The following TMCO4 variants were observed in gnomAD, a reference collection of about 807,000 sequenced individuals.
TMCO4 encodes the protein transmembrane and coiled-coil domain-containing protein 4.
A neutral mutation model predicts 64.7 loss-of-function variants in TMCO4; 58 were observed. The observed-to-expected ratio is 0.90, with a 90% CI of 0.73 to 1.12. TMCO4 has a LOEUF of 1.12. TMCO4 is among the 50% of genes most tolerant of loss of function. TMCO4 has a pLI of 0.00. For missense variants in TMCO4, 780 were observed against 825.9 expected (o/e 0.94, Z 0.68); for synonymous variants, 325 against 346.1 (o/e 0.94, Z 0.68).
chr1:19,772,951 AAGTGG>A (rs2043050409), intron 4 of TMCO4, among the ~76,000 whole-genome samples: 1 of 152,120 alleles, frequency 6.6e-6, no homozygotes, highest in African/African-American at 2.4e-5. Flanking sequence ...ACGCTTTGAG[AAGTGG>A]GGCTGGGTGG....
chr1:19,687,933 T>A lies in TMCO4; in HGVS notation c.1501-4489A>T, dbSNP rs77146890. On this transcript the variant is annotated intron_variant, in intron 15 of 15. Transcript: ENST00000294543. ...TGCAAAGACCCAGGGGAGCAGTTGC[T>A]GGGCAGAGCTCTGGTTTTACAGTTA... Among the ~76,000 whole-genome samples the A allele has an allele frequency of 6.5e-3, 989 of 152,172 alleles. 8 individuals are homozygous for A. The highest frequency in any genetic ancestry group is 0.023 in the African/African-American group (940 of 41,504).
chr1:19,794,997 G>A lies in TMCO4; in HGVS notation c.-101+3140C>T, dbSNP rs369613056. On this transcript the variant is annotated intron_variant, in intron 2 of 15. Transcript: ENST00000294543. ...GGTGGCCAGGGGCTGCGGGGAGGAG[G>A]AACAGGGGAGGGAAGTGGTTGTTTA... 2.6e-5 allele frequency among the ~76,000 whole-genome samples: 4 copies of A among 152,266 alleles called. No homozygotes were observed. In the East Asian group the frequency reaches 7.7e-4, roughly 29 times the overall value.
chr1:19,705,707 T>C (rs1054918792), intron 13 of TMCO4, among the ~76,000 whole-genome samples: 5 of 151,930 alleles, frequency 3.3e-5, no homozygotes, highest in African/African-American at 1.2e-4. Flanking sequence ...CACCTGACTG[T>C]TCCTAGAACG....
At chr1:19,770,680 A>T (rs1226729980) in intron 5 of TMCO4, 111 bp from the exon 6 acceptor site, 1 of 1,093,716 alleles carries the variant, frequency 9.1e-7, no homozygotes, top group South Asian at 1.5e-5. Flanking sequence ...ACAAAAAGCC[A>T]CTGCCCTAGA....
At chr1:19,787,407 G>A (rs1195867135) in intron 2 of TMCO4, among the ~76,000 whole-genome samples, 2 of 152,210 alleles carry the variant, frequency 1.3e-5, no homozygotes, top group South Asian at 2.1e-4. Context: ...TCTGTACCCT[G>A]AGCTGTGGTC....
chr1:19,727,299 C>T (rs963259790), intron 13 of TMCO4, among the ~76,000 whole-genome samples: 1 of 152,198 alleles, frequency 6.6e-6, no homozygotes, highest in Non-Finnish European at 1.5e-5. Flanking sequence ...GCCCTTGAAC[C>T]TGGCATGAAA....
intron 6 of TMCO4, among the ~76,000 whole-genome samples, chr1:19,762,411 A>G (rs1216613760): frequency 6.6e-6 from 1 of 152,156 alleles, no homozygotes; most frequent in African/African-American, 2.4e-5. Context: ...GACACCCAGA[A>G]CTGCGGGATT....
At chr1:19,704,480 G>C (rs1219864549) in intron 13 of TMCO4, among the ~76,000 whole-genome samples, 1 of 152,220 alleles carries the variant, frequency 6.6e-6, no homozygotes, top group African/African-American at 2.4e-5. Flanking sequence ...CAGAGCTGCT[G>C]GTCCCTGGGG....
chr1:19,696,571 C>A (rs1437529415), intron 14 of TMCO4, among the ~76,000 whole-genome samples: 2 of 147,166 alleles, frequency 1.4e-5, no homozygotes, highest in African/African-American at 2.5e-5. Context: ...AAACAAAAAA[C>A]TAAAATAAAA....
chr1:19,700,713 A>C, intron 14 of TMCO4, 55 bp downstream of exon 14: 1 of 1,434,212 alleles, frequency 7.0e-7, no homozygotes, highest in South Asian at 1.2e-5. Context: ...GCCTGGGCAT[A>C]CTAAGTGCTC....
At chr1:19,686,309 G>A (rs918846184) in intron 15 of TMCO4, among the ~76,000 whole-genome samples, 4 of 152,084 alleles carry the variant, frequency 2.6e-5, no homozygotes, top group African/African-American at 4.8e-5. Context: ...GCATGAGACC[G>A]GACTTTCCTT....
intron 13 of TMCO4, among the ~76,000 whole-genome samples, chr1:19,710,753 A>G (rs1466471082): frequency 6.6e-6 from 1 of 152,258 alleles, no homozygotes; most frequent in Non-Finnish European, 1.5e-5. Flanking sequence ...AAAATTGTGT[A>G]TGAAAGCCAG....
At chr1:19,699,498 T>C (rs1438516533) in intron 14 of TMCO4, among the ~76,000 whole-genome samples, 2 of 147,944 alleles carry the variant, frequency 1.4e-5, no homozygotes, top group Non-Finnish European at 3.0e-5. Context: ...TATATATATA[T>C]ATATATATAT....
intron 13 of TMCO4, among the ~76,000 whole-genome samples, chr1:19,706,152 C>T (rs1183074262): frequency 6.6e-6 from 1 of 152,182 alleles, no homozygotes; most frequent in Non-Finnish European, 1.5e-5. Context: ...AATCCTCCCA[C>T]CTTAGCCTCC....
chr1:19,744,533 C>G (rs150261470), intron 10 of TMCO4, among the ~76,000 whole-genome samples: 52 of 152,314 alleles, frequency 3.4e-4, no homozygotes, highest in Non-Finnish European at 5.6e-4. Flanking sequence ...AAGTCCTTTG[C>G]TCTCTTCCAC....
chr1:19,723,375 A>G (rs1198508928), intron 13 of TMCO4, among the ~76,000 whole-genome samples: 1 of 152,098 alleles, frequency 6.6e-6, no homozygotes, highest in Non-Finnish European at 1.5e-5. Context: ...CTTCGATGCC[A>G]CTGGCCAGGA....
chr1:19,763,620 C>T (rs2042603788), intron 6 of TMCO4, among the ~76,000 whole-genome samples: 1 of 152,184 alleles, frequency 6.6e-6, no homozygotes, highest in South Asian at 2.1e-4. Context: ...TCTCTCTTCT[C>T]CCTGGGTCTG....
chr1:19,722,706 GAAGA>G lies in TMCO4; in HGVS notation c.1264+14662_1264+14665del, dbSNP rs375826360. ...GACAGGCTAGGGAGACACAGTCCTG[GAAGA>G]AAGAACCCCTGGGGCACTTTTGTAC... On this transcript the variant is annotated intron_variant, in intron 13 of 15. Transcript: ENST00000294543. 1.6e-3 allele frequency among the ~76,000 whole-genome samples: 243 copies of G among 152,268 alleles called. 1 individual carries two copies. In the East Asian group the frequency reaches 0.019, roughly 12 times the overall value.
intron 2 of TMCO4, among the ~76,000 whole-genome samples, chr1:19,792,517 T>C (rs905182514): frequency 2.0e-5 from 3 of 152,220 alleles, no homozygotes; most frequent in African/African-American, 7.2e-5. Context: ...GAATATTTGT[T>C]GACTGATGCC....
Sources: gnomAD v4.1 joint callset for allele counts (sites outside exome capture counted in the v4.1 genomes callset) on GRCh38, gnomAD v4.1.1 for gene constraint, MANE v1.5 for transcripts, NCBI Gene and HGNC (gene_info 2026-07-23, HGNC 2026-07-21) for gene names.